The following TMTC2 variants were observed in gnomAD, a reference collection of about 807,000 sequenced individuals.
TMTC2 encodes protein O-mannosyl-transferase TMTC2.
In TMTC2, 43 loss-of-function variants were observed where a neutral mutation model predicts 82.4. The observed-to-expected ratio is 0.52, with a 90% CI of 0.41 to 0.67. TMTC2 has a LOEUF of 0.67. Among genes scored for constraint, TMTC2 ranks in the 30% least tolerant of loss-of-function variants. The pLI is 0.00. For synonymous variants in TMTC2, 408 were observed against 381.9 expected, an observed-to-expected ratio of 1.07 and a Z score of -0.80; for missense variants, 919 against 1,012.4, an observed-to-expected ratio of 0.91 and a Z score of 1.25.
At chr12:83,117,842 G>A (rs1884813388) in intron 11 of TMTC2, among the ~76,000 whole-genome samples, 1 of 151,980 alleles carries the variant, frequency 6.6e-6, no homozygotes, top group Non-Finnish European at 1.5e-5. Context: ...AGCAGTGTTT[G>A]TAGTTTTCTT....
intron 11 of TMTC2, among the ~76,000 whole-genome samples, chr12:83,103,150 T>A (rs2137535563): frequency 6.6e-6 from 1 of 152,316 alleles, no homozygotes; most frequent in South Asian, 2.1e-4. Flanking sequence ...CCTGTAGAAG[T>A]GACCTGAGGA....
At chr12:82,878,638 GCCAGATTTTGGACAGTTTTGAACAC>G (rs1306733331) in intron 2 of TMTC2, among the ~76,000 whole-genome samples, 2 of 152,148 alleles carry the variant, frequency 1.3e-5, no homozygotes, top group African/African-American at 2.4e-5. Flanking sequence ...GTAAAGATGG[GCCAGATTTTGGACAGTTTTGAACAC>G]CCAGCTGAGG....
chr12:83,065,169 G>A (rs1882873763), intron 11 of TMTC2, among the ~76,000 whole-genome samples: 2 of 151,908 alleles, frequency 1.3e-5, no homozygotes, highest in African/African-American at 4.8e-5. Context: ...ACATTAAATA[G>A]CTTGCTGATT....
At chr12:82,796,350 C>T (rs1442810102) in intron 1 of TMTC2, among the ~76,000 whole-genome samples, 1 of 152,062 alleles carries the variant, frequency 6.6e-6, no homozygotes, top group Non-Finnish European at 1.5e-5. Flanking sequence ...TAGACTGATA[C>T]CCCAGCTGAA....
chr12:82,828,326 G>T (rs1044393913), intron 1 of TMTC2, among the ~76,000 whole-genome samples: 1 of 146,186 alleles, frequency 6.8e-6, no homozygotes, highest in East Asian at 2.0e-4. Flanking sequence ...CAATTATCCT[G>T]CCTCATCCTT....
At chr12:83,083,960 A>T (rs1883561486) in intron 11 of TMTC2, among the ~76,000 whole-genome samples, 1 of 152,076 alleles carries the variant, frequency 6.6e-6, no homozygotes, top group African/African-American at 2.4e-5. Context: ...TCGACTTTTA[A>T]CTCTTGCTGA....
At chr12:82,916,449 A>C (rs1158895303) in intron 3 of TMTC2, among the ~76,000 whole-genome samples, 3 of 152,240 alleles carry the variant, frequency 2.0e-5, no homozygotes, top group Non-Finnish European at 4.4e-5. Context: ...AAAATTTTGC[A>C]TAGAGAAGAA....
In TMTC2 at chr12:82,822,990, G is replaced by T. The variant is rs189148480; in HGVS notation, c.84-34020G>T. On this transcript the variant is annotated intron_variant, in intron 1 of 11. Coordinates refer to ENST00000321196, the MANE Select transcript of TMTC2 (RefSeq NM_152588.3). ...GATAAGATGAAAAAGAGGATGGAGG[G>T]CATTTAAAAAAGCTTCTTTGAAAAG... Among the ~76,000 whole-genome samples the T allele has an allele frequency of 2.9e-4, 44 of 152,256 alleles. No homozygotes were observed. The East Asian group carries it at 6.2e-3, about 21-fold the overall frequency.
intron 11 of TMTC2, among the ~76,000 whole-genome samples, chr12:83,067,032 T>C (rs1376693537): frequency 6.6e-6 from 1 of 151,794 alleles, no homozygotes; most frequent in African/African-American, 2.4e-5. Context: ...GGAGGGAATA[T>C]ACAAAAGAGA....
intron 4 of TMTC2, among the ~76,000 whole-genome samples, chr12:82,941,754 T>A (rs1876732647): frequency 6.6e-6 from 1 of 152,130 alleles, no homozygotes; most frequent in Admixed American, 6.5e-5. Context: ...TTTTTGTTGT[T>A]GTTTTTGTTT....
At chr12:83,039,133 TG>T (rs1489398779) in intron 9 of TMTC2, among the ~76,000 whole-genome samples, 1 of 152,154 alleles carries the variant, frequency 6.6e-6, no homozygotes, top group East Asian at 1.9e-4. Context: ...GGTTTTCCCA[TG>T]TTTGGCCAGG....
intron 1 of TMTC2, among the ~76,000 whole-genome samples, chr12:82,728,246 T>A (rs141494846): frequency 6.6e-6 from 1 of 152,064 alleles, no homozygotes; most frequent in Admixed American, 6.5e-5. Context: ...AGTCCTATTC[T>A]GTTTTTTATT....
intron 5 of TMTC2, 71 bp from the exon 6 acceptor site, chr12:82,965,489 A>G: frequency 3.2e-6 from 5 of 1,542,708 alleles, no homozygotes; most frequent in Non-Finnish European, 4.4e-6. Flanking sequence ...CCAAATTGAA[A>G]CAAAGAAAAC....
In TMTC2 at chr12:82,857,159, C is replaced by G. The variant is rs771632739; in HGVS notation, c.233C>G (p.Ala78Gly). Residue 78 changes from alanine to glycine, a missense_variant, in exon 2 of 12, where the codon GCC becomes GGC. Ala to Gly is a moderately conservative substitution (Grantham distance 60). Coordinates refer to ENST00000321196, the MANE Select transcript of TMTC2 (RefSeq NM_152588.3). ...LCTLSFRLNHAIGGLNPWSYH... is the reference protein window; with the variant it reads ...LCTLSFRLNHGIGGLNPWSYH... ...ACTCTTTCTTTTCGCCTGAACCATG[C>G]CATTGGAGGGTTGAATCCCTGGAGC... 1.2e-5 allele frequency: 20 copies of G among 1,614,010 alleles called. No homozygotes were observed. The highest frequency in any genetic ancestry group is 1.7e-5 in the Non-Finnish European group (20 of 1,180,044).
chr12:82,964,361 A>G (rs1011042439), intron 4 of TMTC2, among the ~76,000 whole-genome samples: 23 of 152,084 alleles, frequency 1.5e-4, no homozygotes, highest in African/African-American at 2.4e-4. Flanking sequence ...AAGAAAGCCT[A>G]TGGAATCTTG....
At chr12:82,703,782 C>T (rs542763849) in intron 1 of TMTC2, among the ~76,000 whole-genome samples, 17 of 152,106 alleles carry the variant, frequency 1.1e-4, no homozygotes, top group Non-Finnish European at 1.3e-4. Flanking sequence ...CCACCGTGCC[C>T]GGCCAAAGAT....
intron 1 of TMTC2, among the ~76,000 whole-genome samples, chr12:82,849,393 A>G (rs1361512967): frequency 6.6e-6 from 1 of 152,132 alleles, no homozygotes; most frequent in Non-Finnish European, 1.5e-5. Flanking sequence ...GCAGGCCTGA[A>G]TGAGGGTAAG....
At chr12:82,931,009 A>G (rs915305639) in intron 4 of TMTC2, among the ~76,000 whole-genome samples, 8 of 152,154 alleles carry the variant, frequency 5.3e-5, no homozygotes, top group Non-Finnish European at 8.8e-5. Flanking sequence ...CCTGAGCTCA[A>G]GCAATCCTTC....
intron 3 of TMTC2, among the ~76,000 whole-genome samples, chr12:82,897,587 A>G (rs919719441): frequency 4.6e-5 from 7 of 152,060 alleles, no homozygotes; most frequent in Non-Finnish European, 7.4e-5. Context: ...GTGCAATGGC[A>G]TGATCTCGAC....
Sources: allele counts gnomAD v4.1 joint callset (sites outside exome capture counted in the v4.1 genomes callset), GRCh38; gene constraint gnomAD v4.1.1; transcripts MANE v1.5; gene names NCBI Gene and HGNC (gene_info 2026-07-23, HGNC 2026-07-21).